The following SGK1 variants were observed in gnomAD, a reference collection of about 807,000 sequenced individuals.
SGK1 encodes serine/threonine-protein kinase Sgk1.
SGK1 carries 26 observed loss-of-function variants against 64.2 expected under a neutral mutation model. The ratio of observed to expected loss-of-function variants is 0.40; its 90% CI spans 0.30 to 0.56. The LOEUF (loss-of-function observed/expected upper bound fraction) is 0.56, where lower values mean the gene tolerates loss of function less well. Among genes scored for constraint, SGK1 ranks in the 20% least tolerant of loss-of-function variants. SGK1 has a pLI of 0.38. For missense variants in SGK1, 519 were observed against 645.6 expected (o/e 0.80, Z 2.12); for synonymous variants, 265 against 239.7 (o/e 1.11, Z -0.98).
At chr6:134,185,441 A>C (rs1185574465) in intron 3 of SGK1, among the ~76,000 whole-genome samples, 3 of 152,180 alleles carry the variant, frequency 2.0e-5, no homozygotes, top group African/African-American at 7.2e-5. Flanking sequence ...TTTTAAAGCC[A>C]TAGCAGAATG....
chr6:134,232,429 A>AAGAG (rs1776298273), intron 2 of SGK1, among the ~76,000 whole-genome samples: 2 of 56,334 alleles, frequency 3.6e-5, no homozygotes, highest in Non-Finnish European at 3.2e-5. Flanking sequence ...GAAAGAAAGA[A>AAGAG]AGAAAGAAAG....
chr6:134,245,364 C>T (rs1763520), intron 2 of SGK1, among the ~76,000 whole-genome samples: 69,799 of 152,044 alleles, frequency 0.46, 19,446 homozygotes, highest in South Asian at 0.76. Context: ...GGAGAAAATG[C>T]CAGAATTATT....
At chr6:134,311,673 T>A (rs571799695) in intron 1 of SGK1, among the ~76,000 whole-genome samples, 3 of 151,818 alleles carry the variant, frequency 2.0e-5, no homozygotes, top group South Asian at 2.1e-4. Flanking sequence ...CAAAAAACCT[T>A]CCTGCCCTGT....
In SGK1 at chr6:134,267,200, T is replaced by C. The variant is rs532458342; in HGVS notation, c.70-5052A>G. ...TTTTTTAAATATTCTTTTTTCATGT[T>C]ATTTTTATTTCTTTTTGTTTTTTAT... On this transcript the variant is annotated intron_variant, in intron 1 of 13. Transcript: ENST00000367858. Among the ~76,000 whole-genome samples the C allele has an allele frequency of 4.9e-4, 75 of 152,230 alleles. 1 individual carries two copies. The highest frequency in any genetic ancestry group is 1.7e-3 in the African/African-American group (72 of 41,560).
At chr6:134,286,570 C>T (rs1045700404) in intron 1 of SGK1, among the ~76,000 whole-genome samples, 1 of 151,372 alleles carries the variant, frequency 6.6e-6, no homozygotes, top group Admixed American at 6.6e-5. Flanking sequence ...GGGTTCAAGC[C>T]ATTCTCCTGC....
At chr6:134,206,111 G>T (rs978612686) in intron 3 of SGK1, among the ~76,000 whole-genome samples, 3 of 151,886 alleles carry the variant, frequency 2.0e-5, no homozygotes, top group African/African-American at 7.3e-5. Context: ...CTGATTAGAT[G>T]TACAGCCCTA....
chr6:134,234,727 T>C (rs913448953), intron 2 of SGK1, among the ~76,000 whole-genome samples: 3 of 151,866 alleles, frequency 2.0e-5, no homozygotes, highest in Non-Finnish European at 1.5e-5. Context: ...AAATACAAAA[T>C]TAGCCAGGTG....
chr6:134,183,475 T>A (rs1479024541), intron 3 of SGK1, among the ~76,000 whole-genome samples: 1 of 152,222 alleles, frequency 6.6e-6, no homozygotes, highest in Non-Finnish European at 1.5e-5. Context: ...AAGCCCTGAA[T>A]CTAACAAGGA....
chr6:134,232,579 G>A (rs1016664537), intron 2 of SGK1, among the ~76,000 whole-genome samples: 7 of 152,096 alleles, frequency 4.6e-5, no homozygotes, highest in East Asian at 3.9e-4. Context: ...GGCTGGGTGC[G>A]GTGGCTGACA....
At chr6:134,287,056 C>A (rs1400438735) in intron 1 of SGK1, among the ~76,000 whole-genome samples, 4 of 152,074 alleles carry the variant, frequency 2.6e-5, no homozygotes, top group African/African-American at 4.8e-5. Context: ...ACTGCTACCC[C>A]CACCTTCTGG....
rs145345062 is a variant in SGK1, at chr6:134,303,826, G to T, written c.69+13566C>A. On this transcript the variant is annotated intron_variant, in intron 1 of 13. Transcript: ENST00000367858. ...AAAGAAAAGAAAAGAAAGAAACTTT[G>T]ACACAGTTTCTCTTTGCCACTCTTC... is the stretch of plus-strand genomic sequence containing the variant. Among the ~76,000 whole-genome samples the T allele has an allele frequency of 4.2e-3, 633 of 150,264 alleles. 6 individuals carry two copies. The highest frequency in any genetic ancestry group is 0.015 in the African/African-American group (606 of 40,658).
chr6:134,249,237 T>C (rs1562264240), intron 2 of SGK1, among the ~76,000 whole-genome samples: 1 of 152,248 alleles, frequency 6.6e-6, no homozygotes. Context: ...TTCCTACTGA[T>C]ACCACTTTTG....
At chr6:134,271,369 T>C (rs1351542816) in intron 1 of SGK1, among the ~76,000 whole-genome samples, 1 of 147,414 alleles carries the variant, frequency 6.8e-6, no homozygotes, top group Non-Finnish European at 1.5e-5. Flanking sequence ...CTTTCCTCGA[T>C]ATGTACTTTT....
chr6:134,313,398 C>A (rs935083515), intron 1 of SGK1, among the ~76,000 whole-genome samples: 1 of 151,998 alleles, frequency 6.6e-6, no homozygotes, highest in Non-Finnish European at 1.5e-5. Context: ...AATACAGAGT[C>A]AAAATGGAAC....
At chr6:134,214,602 A>C (rs1775947223) in intron 2 of SGK1, among the ~76,000 whole-genome samples, 1 of 79,704 alleles carries the variant, frequency 1.3e-5, no homozygotes, top group Non-Finnish European at 3.4e-5. Flanking sequence ...AATTAATGAA[A>C]GTAATTAAAG....
chr6:134,303,922 T>A (rs1777496416), intron 1 of SGK1, among the ~76,000 whole-genome samples: 2 of 152,274 alleles, frequency 1.3e-5, no homozygotes, highest in East Asian at 3.8e-4. Context: ...TGTTTTGTTT[T>A]GTTTTTGATT....
At chr6:134,284,373 G>A (rs971559544) in intron 1 of SGK1, among the ~76,000 whole-genome samples, 2 of 152,130 alleles carry the variant, frequency 1.3e-5, no homozygotes, top group Non-Finnish European at 2.9e-5. Flanking sequence ...GGGATTAAAG[G>A]CCTGAGCCAC....
At chr6:134,205,930 G>T (rs1775761163) in intron 3 of SGK1, among the ~76,000 whole-genome samples, 1 of 151,984 alleles carries the variant, frequency 6.6e-6, no homozygotes, top group South Asian at 2.1e-4. Flanking sequence ...TTTATTTCTA[G>T]TGTCTACTTT....
At chr6:134,201,511 A>G (rs1775684058) in intron 3 of SGK1, among the ~76,000 whole-genome samples, 1 of 151,828 alleles carries the variant, frequency 6.6e-6, no homozygotes, top group Non-Finnish European at 1.5e-5. Context: ...ACAGGCAGAC[A>G]CCACCAGGCC....
Sources: allele counts gnomAD v4.1 joint callset (sites outside exome capture counted in the v4.1 genomes callset), GRCh38; gene constraint gnomAD v4.1.1; transcripts MANE v1.5; gene names NCBI Gene and HGNC (gene_info 2026-07-23, HGNC 2026-07-21).